Variants in RUNX1T1 observed in about 807,000 individuals in gnomAD.
RUNX1T1 encodes RUNX1 partner transcriptional co-repressor 1.
RUNX1T1 carries 4 observed loss-of-function variants against 62.8 expected under a neutral mutation model. The ratio of observed to expected loss-of-function variants is 0.06; its 90% CI spans 0.03 to 0.15. The LOEUF (loss-of-function observed/expected upper bound fraction) is 0.15, where lower values mean the gene tolerates loss of function less well. Ranked by LOEUF, RUNX1T1 falls within the 10% of genes least tolerant of loss-of-function variation. RUNX1T1 has a pLI of 1.00. For synonymous variants in RUNX1T1, 291 were observed against 286.0 expected (o/e 1.02, Z -0.18); for missense variants, 508 against 754.3 (o/e 0.67, Z 3.82).
chr8:92,062,709 C>A, exon 1 of RUNX1T1: 1 of 1,580,976 alleles, frequency 6.3e-7, no homozygotes, highest in South Asian at 1.1e-5. Context: ...GGCGCGTGCG[C>A]CTGCCAGGCA....
chr8:92,026,986 C>T (rs10956819), intron 1 of RUNX1T1, among the ~76,000 whole-genome samples: 32,655 of 143,168 alleles, frequency 0.23, 3,595 homozygotes, highest in Middle Eastern at 0.31. Context: ...CATGGTGGCG[C>T]GCGCCTGTAG....
At chr8:91,965,478 C>T (rs1811381363) in intron 10 of RUNX1T1, among the ~76,000 whole-genome samples, 1 of 152,050 alleles carries the variant, frequency 6.6e-6, no homozygotes, top group Non-Finnish European at 1.5e-5. Flanking sequence ...CTCATGCTGC[C>T]CCTTGTGAGA....
intron 1 of RUNX1T1, among the ~76,000 whole-genome samples, chr8:92,044,032 C>T (rs1828953025): frequency 6.8e-6 from 1 of 147,196 alleles, no homozygotes; most frequent in Non-Finnish European, 1.5e-5. Context: ...TTTCTAAATT[C>T]TTTATCAGAT....
chr8:91,999,901 A>T (rs555662034), intron 5 of RUNX1T1, among the ~76,000 whole-genome samples: 1 of 152,368 alleles, frequency 6.6e-6, no homozygotes, highest in South Asian at 2.1e-4. Context: ...AGTATGCAGT[A>T]AAGTTAGACC....
chr8:92,029,477 A>G (rs946613852), intron 1 of RUNX1T1, among the ~76,000 whole-genome samples: 3 of 152,210 alleles, frequency 2.0e-5, no homozygotes, highest in African/African-American at 4.8e-5. Flanking sequence ...ATGCCCTCGA[A>G]TAAGTAGGAA....
At chr8:92,046,120 G>T (rs1474284513) in intron 1 of RUNX1T1, among the ~76,000 whole-genome samples, 1 of 152,026 alleles carries the variant, frequency 6.6e-6, no homozygotes, top group East Asian at 1.9e-4. Context: ...TATCATTTCA[G>T]ACTGTCACCA....
intron 1 of RUNX1T1, chr8:92,095,074 A>C: frequency 1.3e-6 from 2 of 1,535,640 alleles, no homozygotes; most frequent in Non-Finnish European, 1.7e-6. Context: ...AGATAGCGTC[A>C]AGGCCAGGGG....
intron 10 of RUNX1T1, among the ~76,000 whole-genome samples, chr8:91,963,710 T>C (rs1360734250): frequency 1.3e-5 from 2 of 152,250 alleles, no homozygotes; most frequent in Admixed American, 1.3e-4. Context: ...GCCACGTGTC[T>C]ATCCACAAGG....
intron 5 of RUNX1T1, among the ~76,000 whole-genome samples, chr8:91,993,463 C>G (rs1333270871): frequency 2.0e-5 from 3 of 152,016 alleles, no homozygotes; most frequent in Admixed American, 6.5e-5. Context: ...GAAGGATGCA[C>G]TATTATGGAG....
chr8:92,022,140 AG>A, intron 1 of RUNX1T1, among the ~76,000 whole-genome samples: 1 of 145,048 alleles, frequency 6.9e-6, no homozygotes, highest in East Asian at 1.9e-4. Flanking sequence ...ATTCCTCCTG[AG>A]GAGGATTCTT....
chr8:92,097,936 G>A (rs1483353438), intron 1 of RUNX1T1, among the ~76,000 whole-genome samples: 1 of 152,202 alleles, frequency 6.6e-6, no homozygotes, highest in Non-Finnish European at 1.5e-5. Flanking sequence ...TCACAGAAGT[G>A]TAAAACAGAA....
At chr8:92,009,201 T>A (rs1377112898) in intron 4 of RUNX1T1, among the ~76,000 whole-genome samples, 1 of 152,240 alleles carries the variant, frequency 6.6e-6, no homozygotes, top group African/African-American at 2.4e-5. Flanking sequence ...TTGCTCTAAT[T>A]CTGGTGCCAG....
At chr8:92,060,535 A>G (rs1831759900) in intron 1 of RUNX1T1, among the ~76,000 whole-genome samples, 1 of 119,268 alleles carries the variant, frequency 8.4e-6, no homozygotes, top group African/African-American at 3.3e-5. Flanking sequence ...ATATATATAT[A>G]TATATATATA....
At chr8:91,988,295 T>C (rs2130846193) in intron 6 of RUNX1T1, among the ~76,000 whole-genome samples, 1 of 152,256 alleles carries the variant, frequency 6.6e-6, no homozygotes, top group East Asian at 1.9e-4. Context: ...GTACCATTCC[T>C]GTCCAATTAG....
chr8:92,027,517 T>C (rs1295580653), intron 1 of RUNX1T1, among the ~76,000 whole-genome samples: 1 of 152,204 alleles, frequency 6.6e-6, no homozygotes, highest in Non-Finnish European at 1.5e-5. Context: ...GCTGGGTTTC[T>C]ACATTTGATG....
chr8:92,075,525 T>C (rs1834291134), intron 2 of RUNX1T1, among the ~76,000 whole-genome samples: 1 of 152,156 alleles, frequency 6.6e-6, no homozygotes, highest in Non-Finnish European at 1.5e-5. Flanking sequence ...TCAGAAGAAA[T>C]AATAAACTGA....
exon 11 of RUNX1T1, chr8:91,959,293 C>A: frequency 4.5e-6 from 1 of 222,422 alleles, no homozygotes; most frequent in Non-Finnish European, 9.1e-6. Flanking sequence ...CTGGAATAGA[C>A]CCAATGTCTT....
chr8:92,045,526 T>C (rs1829244401), intron 1 of RUNX1T1, among the ~76,000 whole-genome samples: 2 of 152,202 alleles, frequency 1.3e-5, no homozygotes, highest in African/African-American at 4.8e-5. Context: ...AGGCTCAAAA[T>C]TCAAACAGTA....
rs56103756 is a variant in RUNX1T1, at chr8:92,060,922, TGA to T, written c.7+1622_7+1623del. Among the ~76,000 whole-genome samples the T allele has an allele frequency of 5.5e-3, 803 of 145,956 alleles. 2 individuals carry two copies. The highest frequency in any genetic ancestry group is 0.016 in the African/African-American group (624 of 40,032). ...GTACAAGGTTTTCTAACACAGTTGA[TGA>T]GAGAGAGAGAGAGAGAGAGAGAGAG... is the stretch of plus-strand genomic sequence containing the variant. On this transcript the variant is annotated intron_variant, in intron 1 of 10. Transcript: ENST00000396218.
Sources: gnomAD v4.1 joint callset for allele counts (sites outside exome capture counted in the v4.1 genomes callset) on GRCh38, gnomAD v4.1.1 for gene constraint, MANE v1.5 for transcripts, NCBI Gene and HGNC (gene_info 2026-07-23, HGNC 2026-07-21) for gene names.